The following RAB31 variants were observed in gnomAD, a reference collection of about 807,000 sequenced individuals.
The protein encoded by RAB31 is ras-related protein Rab-31.
RAB31 carries 21 observed loss-of-function variants against 25.6 expected under a neutral mutation model. The ratio of observed to expected loss-of-function variants is 0.82; its 90% CI spans 0.58 to 1.18. The LOEUF (loss-of-function observed/expected upper bound fraction) is 1.18. Ranked by LOEUF, RAB31 falls within the 50% of genes most tolerant of loss-of-function variation. The pLI is 0.00. For missense variants in RAB31, 196 were observed against 250.1 expected (o/e 0.78, Z 1.46); for synonymous variants, 87 against 84.0 (o/e 1.04, Z -0.20).
intron 1 of RAB31, among the ~76,000 whole-genome samples, chr18:9,730,893 T>C (rs931030838): frequency 6.6e-6 from 1 of 152,182 alleles, no homozygotes; most frequent in African/African-American, 2.4e-5. Flanking sequence ...TTAAGCTCTG[T>C]TCTGGTGGAG....
chr18:9,750,350 C>T (rs939944491), intron 1 of RAB31, among the ~76,000 whole-genome samples: 2 of 152,196 alleles, frequency 1.3e-5, no homozygotes, highest in African/African-American at 2.4e-5. Flanking sequence ...TTGACCCTGG[C>T]GTTCTTGGCC....
chr18:9,746,937 A>T (rs2068208831), intron 1 of RAB31, among the ~76,000 whole-genome samples: 1 of 152,388 alleles, frequency 6.6e-6, no homozygotes, highest in East Asian at 1.9e-4. Context: ...TCAAAATTAA[A>T]AACGTGCATC....
chr18:9,786,444 TG>T (rs2068433466), intron 2 of RAB31, among the ~76,000 whole-genome samples: 1 of 152,262 alleles, frequency 6.6e-6, no homozygotes. Context: ...AAAGAGGGGT[TG>T]GTGGGAACCC....
intron 2 of RAB31, among the ~76,000 whole-genome samples, chr18:9,788,084 A>T (rs1249595548): frequency 6.6e-6 from 1 of 152,236 alleles, no homozygotes; most frequent in African/African-American, 2.4e-5. Context: ...TTATTCAATT[A>T]TTTGAAGATT....
chr18:9,731,923 G>GC (rs1335945977), intron 1 of RAB31, among the ~76,000 whole-genome samples: 1 of 152,138 alleles, frequency 6.6e-6, no homozygotes, highest in Non-Finnish European at 1.5e-5. Flanking sequence ...ATGATAATAA[G>GC]CTCCTCACCC....
intron 1 of RAB31, among the ~76,000 whole-genome samples, chr18:9,730,948 G>A (rs1278704514): frequency 2.6e-5 from 4 of 152,220 alleles, no homozygotes; most frequent in Admixed American, 6.5e-5. Context: ...TGAGTTGAGT[G>A]TGCAGGATCT....
intron 1 of RAB31, among the ~76,000 whole-genome samples, chr18:9,762,683 A>G (rs979361422): frequency 1.3e-5 from 2 of 152,200 alleles, no homozygotes; most frequent in African/African-American, 4.8e-5. Flanking sequence ...TGGGGCTATT[A>G]TAAGAAAAAC....
chr18:9,774,376 A>T (rs943660752), intron 1 of RAB31, among the ~76,000 whole-genome samples: 1 of 152,136 alleles, frequency 6.6e-6, no homozygotes, highest in Non-Finnish European at 1.5e-5. Flanking sequence ...CTGGGGCTCC[A>T]AGGGTATGTT....
chr18:9,822,542 C>T (rs1247261759), intron 5 of RAB31, among the ~76,000 whole-genome samples: 1 of 152,014 alleles, frequency 6.6e-6, no homozygotes, highest in African/African-American at 2.4e-5. Context: ...AAGCTACAGA[C>T]TAGGAGGAAA....
At chr18:9,792,827 T>C (rs551908105) in intron 3 of RAB31, among the ~76,000 whole-genome samples, 4 of 151,922 alleles carry the variant, frequency 2.6e-5, no homozygotes, top group African/African-American at 9.7e-5. Context: ...TGAACCATGT[T>C]GGTTCAGGAA....
At chr18:9,775,747 G>T (rs971655424) in intron 2 of RAB31, among the ~76,000 whole-genome samples, 1 of 152,158 alleles carries the variant, frequency 6.6e-6, no homozygotes, top group Non-Finnish European at 1.5e-5. Context: ...AGCACTGTCT[G>T]CAAAGTCTGT....
intron 1 of RAB31, among the ~76,000 whole-genome samples, chr18:9,773,150 G>C (rs573577611): frequency 1.3e-5 from 2 of 152,252 alleles, no homozygotes; most frequent in African/African-American, 4.8e-5. Flanking sequence ...TCTGGAGAGG[G>C]GTTTTCTGAT....
intron 1 of RAB31, among the ~76,000 whole-genome samples, chr18:9,746,747 A>G (rs2068207760): frequency 1.3e-5 from 2 of 152,228 alleles, no homozygotes; most frequent in African/African-American, 2.4e-5. Context: ...ACACATTTGC[A>G]TACCCTTTAT....
chr18:9,858,644 A>C (rs1243447761), intron 6 of RAB31, among the ~76,000 whole-genome samples: 1 of 152,246 alleles, frequency 6.6e-6, no homozygotes, highest in East Asian at 1.9e-4. Context: ...TGTGGATGAC[A>C]TTAAAATACT....
intron 1 of RAB31, among the ~76,000 whole-genome samples, chr18:9,724,287 A>C (rs1039842136): frequency 5.0e-5 from 5 of 100,038 alleles, no homozygotes; most frequent in African/African-American, 8.8e-5. Context: ...AAAAAAAAAA[A>C]CAAAAAAAAA....
chr18:9,827,704 G>C (rs2143101998), intron 5 of RAB31, among the ~76,000 whole-genome samples: 1 of 152,310 alleles, frequency 6.6e-6, no homozygotes, highest in East Asian at 1.9e-4. Context: ...TCTAGTGTTA[G>C]AAGTGAAAAT....
At chr18:9,814,207 A>C in intron 4 of RAB31, 116 bp downstream of exon 4, 1 of 676,024 alleles carries the variant, frequency 1.5e-6, no homozygotes, top group East Asian at 2.8e-5. Context: ...CTATATATTG[A>C]GTTTATTTCA....
rs1341274922 is a variant in RAB31, at chr18:9,859,127, T to C, written c.491-101T>C. ...CCCCTCCAGGAACACCTTTATTTTGTGCACAGCCCAAAGCAGGAGTGTTGA... is the reference window on the plus strand; with the variant it reads ...CCCCTCCAGGAACACCTTTATTTTGCGCACAGCCCAAAGCAGGAGTGTTGA... On this transcript the variant is annotated intron_variant, in intron 6 of 6. Transcript: ENST00000578921. 12 of 675,620 alleles carry C rather than the reference T, an allele frequency of 1.8e-5. No homozygotes were observed. The Admixed American group carries it at 3.5e-4, about 20-fold the overall frequency. The allele number at this position is 675,620 out of a possible 1,614,324, so 41.9% of individuals were successfully genotyped here. A position where few individuals can be genotyped will look rare whatever the true frequency, so the allele number is the denominator to read the frequency against.
chr18:9,853,906 G>A (rs1194937322), intron 6 of RAB31, among the ~76,000 whole-genome samples: 2 of 150,570 alleles, frequency 1.3e-5, no homozygotes, highest in Non-Finnish European at 3.0e-5. Flanking sequence ...GCCTTTGAGT[G>A]GTAGGGAAGC....
Sources: allele counts gnomAD v4.1 joint callset (sites outside exome capture counted in the v4.1 genomes callset), GRCh38; gene constraint gnomAD v4.1.1; transcripts MANE v1.5; gene names NCBI Gene and HGNC (gene_info 2026-07-23, HGNC 2026-07-21).